PTPRD: variants seen among roughly 807,000 people sequenced by gnomAD.
PTPRD encodes the protein protein tyrosine phosphatase receptor type D, also known as receptor-type tyrosine-protein phosphatase delta.
In PTPRD, 34 loss-of-function variants were observed where a neutral mutation model predicts 214.5. That is an observed-to-expected ratio of 0.16 (90% confidence interval 0.12 to 0.21). The LOEUF is 0.21. Among genes scored for constraint, PTPRD ranks in the 10% least tolerant of loss-of-function variants. The pLI is 1.00. For synonymous variants in PTPRD, 1,128 were observed against 845.7 expected (o/e 1.33, Z -5.79); for missense variants, 2,545 against 2,398.7 (o/e 1.06, Z -1.27).
At chr9:10,234,872 C>G (rs537826393) in intron 3 of PTPRD, among the ~76,000 whole-genome samples, 1 of 151,826 alleles carries the variant, frequency 6.6e-6, no homozygotes, top group African/African-American at 2.4e-5. Flanking sequence ...TGAACTGAGT[C>G]TGCAATTCTT....
intron 5 of PTPRD, among the ~76,000 whole-genome samples, chr9:9,937,418 T>C (rs199656036): frequency 9.3e-5 from 11 of 118,108 alleles, no homozygotes; most frequent in African/African-American, 2.9e-4. Context: ...AATAGTTCCA[T>C]AGATAAATAA....
At chr9:10,285,021 G>C (rs182676314) in intron 3 of PTPRD, among the ~76,000 whole-genome samples, 43 of 152,166 alleles carry the variant, frequency 2.8e-4, no homozygotes, top group Admixed American at 2.4e-3. Flanking sequence ...CTGCTATTTT[G>C]AACATTTTAT....
chr9:8,450,172 T>A lies in PTPRD; in HGVS notation c.3876-335A>T, dbSNP rs372628641. ...ATTCTCTCTTATCTACTAGTTCTAT[T>A]TGTGAGGAACAGGATAGGATACCCC... On this transcript the variant is annotated intron_variant, in intron 33 of 45. Transcript: ENST00000381196. Among the ~76,000 whole-genome samples the A allele has an allele frequency of 3.3e-5, 5 of 152,266 alleles. No homozygotes were observed. In the East Asian group the frequency reaches 7.7e-4, roughly 24 times the overall value.
intron 9 of PTPRD, among the ~76,000 whole-genome samples, chr9:9,297,455 C>CA (rs955928766): frequency 7.3e-5 from 11 of 151,064 alleles, no homozygotes; most frequent in African/African-American, 2.7e-4. Context: ...AACATTGAAA[C>CA]AAAAAAATCC....
chr9:10,571,269 T>G (rs1231390809), intron 2 of PTPRD, among the ~76,000 whole-genome samples: 7 of 152,130 alleles, frequency 4.6e-5, no homozygotes, highest in Non-Finnish European at 1.0e-4. Flanking sequence ...TTAGAAAAAT[T>G]TACTTGACTT....
intron 35 of PTPRD, among the ~76,000 whole-genome samples, chr9:8,428,695 G>C (rs1038560918): frequency 2.0e-5 from 3 of 152,158 alleles, no homozygotes; most frequent in African/African-American, 4.8e-5. Flanking sequence ...GTATGTGTGT[G>C]TGTTTGGTTT....
intron 4 of PTPRD, among the ~76,000 whole-genome samples, chr9:9,977,189 T>C (rs6477437): frequency 0.76 from 116,255 of 152,088 alleles, 45,003 homozygotes; most frequent in Middle Eastern, 0.89. Flanking sequence ...GATAGGTGGA[T>C]TCCCAGCTCT....
intron 4 of PTPRD, among the ~76,000 whole-genome samples, chr9:9,977,621 C>A (rs540898403): frequency 1.3e-5 from 2 of 151,992 alleles, no homozygotes; most frequent in African/African-American, 4.8e-5. Context: ...GATAAGTGAA[C>A]GCAATAAAAA....
In PTPRD at chr9:8,460,505, T is replaced by C. The variant is rs141449316; in HGVS notation, c.3781A>G (p.Thr1261Ala). ...VSMDLDPQPI[T>A]DEEEGLIWVV... Reference sequence around the variant, plus strand: ...CAGATCAAGCCTTCTTCTTCATCCGTGATTGGCTGCGGATCCAGATCCATT... The same window carrying C: ...CAGATCAAGCCTTCTTCTTCATCCGCGATTGGCTGCGGATCCAGATCCATT... The change falls in exon 33 of 46, where the codon ACG (threonine) becomes GCG (alanine). Residue 1261 changes from threonine (T) to alanine (A), a missense_variant. Physicochemically the swap from Thr to Ala is moderately conservative, Grantham distance 58 (BLOSUM62 0). Transcript: ENST00000381196. The C allele has an allele frequency of 6.2e-6, 10 of 1,613,456 alleles. No individual in the cohort carries two copies. Among genetic ancestry groups the C allele is most frequent in the Non-Finnish European group, 8.5e-6 (10 of 1,179,662 alleles).
At chr9:8,819,270 T>C (rs925888063) in intron 11 of PTPRD, among the ~76,000 whole-genome samples, 6 of 152,214 alleles carry the variant, frequency 3.9e-5, no homozygotes, top group South Asian at 2.1e-4. Context: ...ATATAAACTA[T>C]ATAAAAGCTC....
chr9:8,920,521 C>G (rs543761242), intron 11 of PTPRD, among the ~76,000 whole-genome samples: 1 of 152,116 alleles, frequency 6.6e-6, no homozygotes, highest in African/African-American at 2.4e-5. Context: ...CTGGGCCACA[C>G]TGGAAGAAGA....
chr9:9,969,584 T>A (rs2094949387), intron 4 of PTPRD, among the ~76,000 whole-genome samples: 1 of 152,198 alleles, frequency 6.6e-6, no homozygotes, highest in Non-Finnish European at 1.5e-5. Flanking sequence ...GTGAACATTA[T>A]ATTGTAAACA....
At chr9:9,215,294 A>T (rs1340268438) in intron 9 of PTPRD, among the ~76,000 whole-genome samples, 1 of 152,120 alleles carries the variant, frequency 6.6e-6, no homozygotes, top group Non-Finnish European at 1.5e-5. Context: ...GCAGTTACAT[A>T]CTTGTACTTG....
chr9:10,482,368 T>C (rs769729013), intron 2 of PTPRD, among the ~76,000 whole-genome samples: 22 of 151,818 alleles, frequency 1.4e-4, no homozygotes, highest in African/African-American at 2.9e-4. Context: ...AAGACTCCGT[T>C]TCAATAAATA....
intron 12 of PTPRD, among the ~76,000 whole-genome samples, chr9:8,648,426 G>A (rs896917284): frequency 1.3e-5 from 2 of 152,130 alleles, no homozygotes; most frequent in African/African-American, 4.8e-5. Flanking sequence ...TCAAGAAGAT[G>A]GCCTAAGTGG....
chr9:9,421,347 T>C (rs2078742712), intron 8 of PTPRD, among the ~76,000 whole-genome samples: 1 of 151,290 alleles, frequency 6.6e-6, no homozygotes, highest in Non-Finnish European at 1.5e-5. Flanking sequence ...GTCAAAATAA[T>C]AAAAAAATTA....
chr9:9,107,460 T>C (rs1365900796), intron 10 of PTPRD, among the ~76,000 whole-genome samples: 2 of 152,182 alleles, frequency 1.3e-5, no homozygotes, highest in African/African-American at 2.4e-5. Flanking sequence ...CTTATAACCT[T>C]TACCTGACTC....
At chr9:10,609,740 T>C (rs1329069911) in intron 2 of PTPRD, among the ~76,000 whole-genome samples, 1 of 152,128 alleles carries the variant, frequency 6.6e-6, no homozygotes, top group East Asian at 1.9e-4. Flanking sequence ...TCACATCTAA[T>C]TAGCATTGTT....
At chr9:9,668,622 T>C (rs1487659763) in intron 7 of PTPRD, among the ~76,000 whole-genome samples, 2 of 152,194 alleles carry the variant, frequency 1.3e-5, no homozygotes, top group Non-Finnish European at 2.9e-5. Flanking sequence ...AGAAATTCAG[T>C]TGTATTAATC....
Sources: gnomAD v4.1 joint callset for allele counts (sites outside exome capture counted in the v4.1 genomes callset) on GRCh38, gnomAD v4.1.1 for gene constraint, MANE v1.5 for transcripts, NCBI Gene and HGNC (gene_info 2026-07-23, HGNC 2026-07-21) for gene names.